MAX: variants seen among roughly 807,000 people sequenced by gnomAD.
MAX encodes the protein protein max.
MAX carries 3 observed loss-of-function variants against 22.3 expected under a neutral mutation model. The observed-to-expected ratio is 0.13, with a 90% CI of 0.06 to 0.35. MAX has a LOEUF of 0.35. Among genes scored for constraint, MAX ranks in the 10% least tolerant of loss-of-function variants. MAX has a pLI of 1.00. For synonymous variants in MAX, 72 were observed against 77.7 expected, an observed-to-expected ratio of 0.93 and a Z score of 0.39; for missense variants, 119 against 209.4, an observed-to-expected ratio of 0.57 and a Z score of 2.66.
intron 3 of MAX, among the ~76,000 whole-genome samples, chr14:65,037,756 A>C (rs2062242935): frequency 7.9e-6 from 1 of 126,616 alleles, no homozygotes; most frequent in African/African-American, 3.2e-5. Context: ...TTATTTATTT[A>C]TTTATTTATT....
chr14:65,046,133 C>T (rs1266810090), intron 3 of MAX, among the ~76,000 whole-genome samples: 5 of 152,198 alleles, frequency 3.3e-5, no homozygotes, highest in Admixed American at 3.3e-4. Context: ...TGCACCACCA[C>T]GCCCAGCCAA....
At chr14:65,096,780 G>A (rs1291290536) in intron 2 of MAX, among the ~76,000 whole-genome samples, 1 of 152,178 alleles carries the variant, frequency 6.6e-6, no homozygotes, top group Non-Finnish European at 1.5e-5. Context: ...TACTGAGAAT[G>A]ATGTTCAGTA....
rs17825608 is a variant in MAX at position 65,041,640 on chromosome 14, G to A, written c.172-35356C>T. Among the ~76,000 whole-genome samples the A allele has an allele frequency of 9.2e-3, 1,401 of 152,238 alleles. 22 individuals are homozygous for A. Among genetic ancestry groups the A allele is most frequent in the Middle Eastern group, 0.02 (6 of 294 alleles). ...TTCAGATGCCAGCCTCCCGTTATGC[G>A]GCCCATCGTGAGCTTCCTGGAGAGT... On this transcript the variant is annotated intron_variant, in intron 3 of 3. Transcript: ENST00000341653.
At chr14:65,025,264 C>T (rs773235572) in intron 3 of MAX, among the ~76,000 whole-genome samples, 1 of 152,096 alleles carries the variant, frequency 6.6e-6, no homozygotes, top group Non-Finnish European at 1.5e-5. Context: ...GCGTTCGGCA[C>T]GATTCTATCT....
chr14:65,077,177 C>G lies in MAX; in HGVS notation c.296-514G>C. ...CACCAATACACATAAAATACCTGGG[C>G]TTTTCAAATAGCCCCTACATGCAGG... On this transcript the variant is annotated intron_variant, in intron 4 of 4. Transcript: ENST00000358664. This position sits in a 1 kb window ranked among gnomAD's most constrained non-coding sequence, Gnocchi z 6.3. 1 of 629,096 alleles carries G rather than the reference C, an allele frequency of 1.6e-6. No individual in the cohort carries two copies. The highest frequency in any genetic ancestry group is 2.8e-6 in the Non-Finnish European group (1 of 355,802). 39.0% of individuals were successfully genotyped at this position (629,096 alleles called of 1,614,324 possible). A position where few individuals can be genotyped will look rare whatever the true frequency, so the allele number is the denominator to read the frequency against.
chr14:65,080,535 C>G (rs1254801781), intron 3 of MAX, among the ~76,000 whole-genome samples: 4 of 152,160 alleles, frequency 2.6e-5, no homozygotes, highest in African/African-American at 9.7e-5. Flanking sequence ...AATTAGAGGA[C>G]AGAGGAGTGC....
chr14:65,100,538 G>A lies in MAX; in HGVS notation c.63+1008C>T, dbSNP rs538166886. Among the ~76,000 whole-genome samples, 103 of 152,288 alleles carry A rather than the reference G, an allele frequency of 6.8e-4. No individual in the cohort carries two copies. The South Asian group carries it at 0.011, about 16-fold the overall frequency. ...ACTAACAAACCACTGGAGTTCAGTA[G>A]TGCTGACTTTTTAGAAGAGGCACTG... is the stretch of plus-strand genomic sequence containing the variant. On this transcript the variant is annotated intron_variant, in intron 2 of 4. Coordinates refer to ENST00000358664, the MANE Select transcript of MAX (RefSeq NM_002382.5).
Position 65,027,274 on chromosome 14 carries a change from A to G in MAX, c.172-20990T>C, listed in dbSNP as rs747569662. The stretch of plus-strand genomic sequence containing the variant: ...GAGGAGGGCAGACAGAAATGATGAT[A>G]GCTGGAGAGAGAATTAAGCCCTTTG... On this transcript the variant is annotated intron_variant, in intron 3 of 3. Transcript: ENST00000341653. This position sits in a 1 kb window ranked among gnomAD's most constrained non-coding sequence, Gnocchi z 5.7. 2.6e-5 allele frequency: 24 copies of G among 925,852 alleles called. No homozygotes were observed. Among genetic ancestry groups the G allele is most frequent in the Non-Finnish European group, 3.8e-5 (24 of 626,458 alleles). 57.4% of individuals were successfully genotyped at this position (925,852 alleles called of 1,614,324 possible).
At chr14:65,071,529 A>G (rs1192238481), downstream of MAX, among the ~76,000 whole-genome samples, 1 of 152,230 alleles carries the variant, frequency 6.6e-6, no homozygotes, top group Non-Finnish European at 1.5e-5. This position sits in a 1 kb window ranked among gnomAD's most constrained non-coding sequence, Gnocchi z 4.2. Flanking sequence ...GACAGTATTT[A>G]TTGAGTATTA....
intron 3 of MAX, among the ~76,000 whole-genome samples, chr14:65,066,804 G>A (rs1195463001): frequency 6.7e-6 from 1 of 149,556 alleles, no homozygotes; most frequent in East Asian, 2.0e-4. Context: ...AGAGGTTGTG[G>A]TGAGCTGAGA....
intron 3 of MAX, among the ~76,000 whole-genome samples, chr14:65,066,777 G>A (rs536348352): frequency 8.1e-5 from 12 of 147,840 alleles, no homozygotes; most frequent in African/African-American, 2.5e-4. Context: ...TAGGAGAATC[G>A]CTTGAACCCA....
At chr14:65,034,179 A>G (rs2062143766) in intron 3 of MAX, among the ~76,000 whole-genome samples, 1 of 152,152 alleles carries the variant, frequency 6.6e-6, no homozygotes, top group South Asian at 2.1e-4. Flanking sequence ...GTGCGTTTTG[A>G]GTTGCCCCTT....
chr14:65,035,292 C>T (rs2062163654), intron 3 of MAX, among the ~76,000 whole-genome samples: 1 of 152,296 alleles, frequency 6.6e-6, no homozygotes, highest in South Asian at 2.1e-4. Context: ...GAGGGACTAA[C>T]TGCATGCTGT....
rs1220206079 is a variant in MAX at position 65,012,184 on chromosome 14, G to A, written c.172-5900C>T. On this transcript the variant is annotated intron_variant, in intron 3 of 3. Transcript: ENST00000341653. The surrounding 1 kb of genome is among the most constrained non-coding windows in gnomAD (Gnocchi z 5.0). ...GCTCTTTGGAACCAGAGAAGTTGCT[G>A]GTTATCCAGTCAGTGATTGCAGGGG... 7.5e-6 allele frequency: 8 copies of A among 1,065,990 alleles called. No individual in the cohort carries two copies. Among genetic ancestry groups the A allele is most frequent in the East Asian group, 2.6e-5 (1 of 38,792 alleles). The allele number at this position is 1,065,990 out of a possible 1,614,324, so 66.0% of individuals were successfully genotyped here.
At chr14:65,053,070 G>C (rs2062649656) in intron 3 of MAX, 1 of 427,220 alleles carries the variant, frequency 2.3e-6, no homozygotes, top group East Asian at 3.7e-5. Flanking sequence ...CAGGAGAAGG[G>C]ACATGCTGTG....
intron 3 of MAX, among the ~76,000 whole-genome samples, chr14:65,085,716 C>G (rs2063312356): frequency 6.6e-6 from 1 of 152,076 alleles, no homozygotes; most frequent in Admixed American, 6.6e-5. Flanking sequence ...GAGCTGGAGA[C>G]TGAGGGAAGG....
At chr14:65,075,071 G>A (rs1171214243), downstream of MAX, 3 of 1,011,272 alleles carry the variant, frequency 3.0e-6, no homozygotes, top group Non-Finnish European at 3.6e-6. This position sits in a 1 kb window ranked among gnomAD's most constrained non-coding sequence, Gnocchi z 4.1. Flanking sequence ...GCTTCCAGAG[G>A]GGTCTCTCAT....
chr14:65,073,084 G>T (rs1007862008), downstream of MAX, among the ~76,000 whole-genome samples: 1 of 152,212 alleles, frequency 6.6e-6, no homozygotes, highest in African/African-American at 2.4e-5. Flanking sequence ...GCTTGGTCCT[G>T]AGGTCAAGCA....
rs2063583721 is a variant in MAX, at chr14:65,093,862, C to T, written c.64-47G>A. 8.9e-7 allele frequency: 1 copy of T among 1,123,870 alleles called. No individual in the cohort carries two copies. The allele number at this position is 1,123,870 out of a possible 1,614,324, so 69.6% of individuals were successfully genotyped here. A position where few individuals can be genotyped will look rare whatever the true frequency, so the allele number is the denominator to read the frequency against. On this transcript the variant is annotated intron_variant, in intron 2 of 4. Transcript: ENST00000358664. The surrounding 1 kb of genome is among the most constrained non-coding windows in gnomAD (Gnocchi z 4.4). ...CACATTAGGAATGTCACTCCTTTTG[C>T]TTGGTACAAGGTGGGTGGGGTACAG...
Sources: gnomAD v4.1 joint callset for allele counts (sites outside exome capture counted in the v4.1 genomes callset) on GRCh38, gnomAD v4.1.1 for gene constraint, Gnocchi (gnomAD v3.1) non-coding constraint, MANE v1.5 for transcripts, NCBI Gene and HGNC (gene_info 2026-07-23, HGNC 2026-07-21) for gene names.